The following ST6GALNAC3 variants were observed in gnomAD, a reference collection of about 807,000 sequenced individuals.
ST6GALNAC3 encodes the protein alpha-N-acetylgalactosaminide alpha-2,6-sialyltransferase 3.
A neutral mutation model predicts 32.7 loss-of-function variants in ST6GALNAC3; 25 were observed. The ratio of observed to expected loss-of-function variants is 0.76; its 90% confidence interval spans 0.56 to 1.07. The LOEUF is 1.07. ST6GALNAC3 is among the 50% of genes least tolerant of loss of function. The pLI, the probability that ST6GALNAC3 is intolerant of heterozygous loss-of-function variation, is 0.00. For synonymous variants in ST6GALNAC3, 129 were observed against 133.1 expected, an observed-to-expected ratio of 0.97 and a Z score of 0.21; for missense variants, 355 against 382.4, an observed-to-expected ratio of 0.93 and a Z score of 0.60.
intron 1 of ST6GALNAC3, among the ~76,000 whole-genome samples, chr1:76,197,191 C>T (rs537483109): frequency 6.6e-6 from 1 of 152,140 alleles, no homozygotes; most frequent in Non-Finnish European, 1.5e-5. Flanking sequence ...GAAATGTAGA[C>T]TAGTTGTTAA....
chr1:76,403,063 G>C (rs968514379), intron 2 of ST6GALNAC3, among the ~76,000 whole-genome samples: 1 of 151,866 alleles, frequency 6.6e-6, no homozygotes, highest in South Asian at 2.1e-4. Flanking sequence ...AAAAAAATCT[G>C]TATTGAGTGA....
chr1:76,195,073 A>T (rs975463614), intron 1 of ST6GALNAC3, among the ~76,000 whole-genome samples: 7 of 152,216 alleles, frequency 4.6e-5, no homozygotes, highest in Admixed American at 3.9e-4. Flanking sequence ...AAAAGGCTTT[A>T]TGTACTGGGA....
chr1:76,521,883 A>G (rs1662560780), intron 3 of ST6GALNAC3, among the ~76,000 whole-genome samples: 2 of 152,246 alleles, frequency 1.3e-5, no homozygotes, highest in Admixed American at 1.3e-4. Flanking sequence ...AGCCTGGGCA[A>G]CACGGTGAAA....
At chr1:76,495,776 C>A (rs1660813282) in intron 3 of ST6GALNAC3, among the ~76,000 whole-genome samples, 1 of 152,094 alleles carries the variant, frequency 6.6e-6, no homozygotes, top group African/African-American at 2.4e-5. Flanking sequence ...ACAAATAATT[C>A]TTTTTCATTG....
chr1:76,076,397 T>G (rs1349466064), intron 1 of ST6GALNAC3, among the ~76,000 whole-genome samples: 1 of 152,224 alleles, frequency 6.6e-6, no homozygotes, highest in Non-Finnish European at 1.5e-5. Context: ...GGGACATATC[T>G]GTCCACCTTA....
chr1:76,293,999 G>A (rs1660245340), intron 1 of ST6GALNAC3, among the ~76,000 whole-genome samples: 1 of 152,150 alleles, frequency 6.6e-6, no homozygotes, highest in South Asian at 2.1e-4. Context: ...AAAACCGTTT[G>A]TGGAGCATGT....
chr1:76,142,425 C>T (rs1489687180), intron 1 of ST6GALNAC3, among the ~76,000 whole-genome samples: 1 of 152,158 alleles, frequency 6.6e-6, no homozygotes, highest in Non-Finnish European at 1.5e-5. Context: ...AGGGTGTTGT[C>T]TACACCTGCA....
intron 1 of ST6GALNAC3, among the ~76,000 whole-genome samples, chr1:76,194,967 A>C (rs1654113871): frequency 6.6e-6 from 1 of 152,222 alleles, no homozygotes; most frequent in South Asian, 2.1e-4. Context: ...ATATCAGTTC[A>C]CTGAGTTAAT....
chr1:76,391,408 G>A (rs1371863768), intron 2 of ST6GALNAC3, among the ~76,000 whole-genome samples: 8 of 152,188 alleles, frequency 5.3e-5, no homozygotes, highest in African/African-American at 1.9e-4. Context: ...GAATGAATGT[G>A]GGTTATGTGG....
intron 1 of ST6GALNAC3, among the ~76,000 whole-genome samples, chr1:76,174,846 T>G (rs778122202): frequency 6.6e-6 from 1 of 151,950 alleles, no homozygotes; most frequent in Non-Finnish European, 1.5e-5. Context: ...TTTTGTATTT[T>G]TAGTAGATAC....
At chr1:76,383,141 T>C (rs1228428161) in intron 2 of ST6GALNAC3, among the ~76,000 whole-genome samples, 2 of 152,182 alleles carry the variant, frequency 1.3e-5, no homozygotes, top group African/African-American at 4.8e-5. Flanking sequence ...TGAAAGGAAG[T>C]AACCACCAAC....
chr1:76,557,447 A>G (rs533754772), intron 3 of ST6GALNAC3, among the ~76,000 whole-genome samples: 3 of 152,182 alleles, frequency 2.0e-5, no homozygotes, highest in South Asian at 2.1e-4. Flanking sequence ...AGGCAAAACT[A>G]ATGTTCCATC....
chr1:76,181,814 T>C (rs1472754616), intron 1 of ST6GALNAC3, among the ~76,000 whole-genome samples: 1 of 152,216 alleles, frequency 6.6e-6, no homozygotes, highest in Non-Finnish European at 1.5e-5. Context: ...TAAGACTGAA[T>C]GTTAAGATTA....
Position 76,176,514 on chromosome 1 carries a change from A to G in ST6GALNAC3, c.18+101630A>G, listed in dbSNP as rs537584227. Among the ~76,000 whole-genome samples, 29 of 152,362 alleles carry G rather than the reference A, an allele frequency of 1.9e-4. No individual in the cohort carries two copies. The South Asian group carries it at 5.8e-3, about 30-fold the overall frequency. On this transcript the variant is annotated intron_variant, in intron 1 of 4. Coordinates refer to ENST00000328299, the MANE Select transcript of ST6GALNAC3 (RefSeq NM_152996.4). ...AGAAACTGATTCGGAGACTCAGTAAAGAAAGACATCTGTGACGTTCAGTTC... is the reference window on the plus strand; with the variant it reads ...AGAAACTGATTCGGAGACTCAGTAAGGAAAGACATCTGTGACGTTCAGTTC...
At chr1:76,222,409 T>C (rs1655824004) in intron 1 of ST6GALNAC3, among the ~76,000 whole-genome samples, 1 of 152,172 alleles carries the variant, frequency 6.6e-6, no homozygotes, top group Non-Finnish European at 1.5e-5. Flanking sequence ...TGGGACCTAA[T>C]TAAACTGAAG....
rs553431616 is a variant in ST6GALNAC3 at position 76,076,661 on chromosome 1, T to A, written c.18+1777T>A. Among the ~76,000 whole-genome samples the A allele has an allele frequency of 6.2e-4, 94 of 152,362 alleles. 1 individual carries two copies. The highest frequency in any genetic ancestry group is 2.2e-3 in the African/African-American group (91 of 41,586). The stretch of plus-strand genomic sequence containing the variant: ...GCCATTTTTTTCCTCTAACATATAA[T>A]AATAAGTGCAGTTTGGTTGATCCTT... On this transcript the variant is annotated intron_variant, in intron 1 of 4. Transcript: ENST00000328299.
intron 3 of ST6GALNAC3, among the ~76,000 whole-genome samples, chr1:76,537,654 C>T (rs1469540691): frequency 1.3e-5 from 2 of 151,736 alleles, no homozygotes; most frequent in African/African-American, 2.4e-5. Context: ...CATATAAAAG[C>T]GTTAAACACA....
chr1:76,251,996 G>T (rs559010117), intron 1 of ST6GALNAC3, among the ~76,000 whole-genome samples: 14 of 152,288 alleles, frequency 9.2e-5, no homozygotes, highest in African/African-American at 3.1e-4. Context: ...TTTCAAATTA[G>T]TCTGAAGTGT....
intron 3 of ST6GALNAC3, among the ~76,000 whole-genome samples, chr1:76,517,909 G>GTTTC (rs1214655228): frequency 3.9e-5 from 6 of 151,980 alleles, no homozygotes; most frequent in Non-Finnish European, 1.5e-5. Context: ...GCCAGAAAGT[G>GTTTC]TGGACCATAA....
Sources: gnomAD v4.1 joint callset for allele counts (sites outside exome capture counted in the v4.1 genomes callset) on GRCh38, gnomAD v4.1.1 for gene constraint, MANE v1.5 for transcripts, NCBI Gene and HGNC (gene_info 2026-07-23, HGNC 2026-07-21) for gene names.